GPC5: variants seen among roughly 807,000 people sequenced by gnomAD.
GPC5 encodes the protein glypican-5.
Under a neutral mutation model 53.9 loss-of-function variants are expected in GPC5, and 47 were observed. The ratio of observed to expected loss-of-function variants is 0.87; its 90% CI spans 0.69 to 1.11. GPC5 has a LOEUF of 1.11. GPC5 is among the 50% of genes most tolerant of loss of function. The probability of loss-of-function intolerance (pLI) is 0.00; values close to 1 mark genes in which losing one functional copy is unlikely to be tolerated. For synonymous variants in GPC5, 286 were observed against 263.3 expected (o/e 1.09, Z -0.84); for missense variants, 748 against 713.1 (o/e 1.05, Z -0.56).
chr13:92,672,418 C>T (rs963724171), intron 7 of GPC5, among the ~76,000 whole-genome samples: 5 of 152,068 alleles, frequency 3.3e-5, no homozygotes, highest in African/African-American at 1.2e-4. Context: ...AAAAGGAATG[C>T]TTATACACTG....
intron 7 of GPC5, among the ~76,000 whole-genome samples, chr13:92,537,687 C>T (rs1594286412): frequency 6.6e-6 from 1 of 152,070 alleles, no homozygotes; most frequent in East Asian, 1.9e-4. Flanking sequence ...ATGTCAAAAT[C>T]CTGCCAGCCT....
At chr13:92,384,399 T>A (rs2043775353) in intron 7 of GPC5, among the ~76,000 whole-genome samples, 2 of 152,158 alleles carry the variant, frequency 1.3e-5, no homozygotes, top group Non-Finnish European at 2.9e-5. Context: ...CCTGCTATGT[T>A]GGACAAAAAT....
At chr13:92,666,704 C>T (rs186685042) in intron 7 of GPC5, among the ~76,000 whole-genome samples, 63 of 152,290 alleles carry the variant, frequency 4.1e-4, no homozygotes, top group African/African-American at 1.5e-3. Flanking sequence ...CATTAGTGCT[C>T]AGCATTTATA....
chr13:91,497,690 G>A (rs541792802), intron 2 of GPC5, among the ~76,000 whole-genome samples: 3 of 152,312 alleles, frequency 2.0e-5, no homozygotes, highest in African/African-American at 7.2e-5. Context: ...GCCCTCTAAG[G>A]AAGGCAGGGC....
intron 1 of GPC5, among the ~76,000 whole-genome samples, chr13:91,432,158 C>G (rs1879499215): frequency 6.6e-6 from 1 of 150,896 alleles, no homozygotes; most frequent in African/African-American, 2.5e-5. Flanking sequence ...TTTCTCATCC[C>G]TCATGTAGCT....
intron 5 of GPC5, among the ~76,000 whole-genome samples, chr13:91,903,504 T>C (rs1238435845): frequency 6.6e-6 from 1 of 152,158 alleles, no homozygotes; most frequent in Non-Finnish European, 1.5e-5. Flanking sequence ...CTCCACATCT[T>C]TGCCAACACT....
intron 7 of GPC5, among the ~76,000 whole-genome samples, chr13:92,764,423 A>C (rs931776124): frequency 3.9e-5 from 6 of 152,360 alleles, no homozygotes; most frequent in African/African-American, 1.4e-4. Flanking sequence ...ACATAGCGTC[A>C]GTTCCCTCTT....
At chr13:92,367,321 A>G (rs904373499) in intron 7 of GPC5, among the ~76,000 whole-genome samples, 19 of 152,210 alleles carry the variant, frequency 1.2e-4, no homozygotes, top group African/African-American at 4.6e-4. Flanking sequence ...TTTAATTTTA[A>G]TAAGCATGAT....
chr13:91,891,226 C>G (rs2039382452), intron 5 of GPC5, among the ~76,000 whole-genome samples: 1 of 152,042 alleles, frequency 6.6e-6, no homozygotes, highest in Non-Finnish European at 1.5e-5. Flanking sequence ...ACAACTTTTT[C>G]TGTCTACATT....
intron 6 of GPC5, among the ~76,000 whole-genome samples, chr13:91,969,192 C>T (rs577949525): frequency 6.6e-6 from 1 of 152,238 alleles, no homozygotes; most frequent in Non-Finnish European, 1.5e-5. Context: ...TGGTTTTGAA[C>T]TCCTGACCTC....
chr13:92,538,559 C>A (rs1482851232), intron 7 of GPC5, among the ~76,000 whole-genome samples: 15 of 147,992 alleles, frequency 1.0e-4, no homozygotes, highest in Non-Finnish European at 3.0e-5. Context: ...GTTTGCTACA[C>A]CCATCAACCC....
chr13:91,645,815 G>A (rs899109758), intron 2 of GPC5, among the ~76,000 whole-genome samples: 2 of 152,128 alleles, frequency 1.3e-5, no homozygotes, highest in Non-Finnish European at 2.9e-5. Context: ...AGACTTCTGG[G>A]TCAGAGACTC....
chr13:92,145,887 G>A (rs553279060), intron 7 of GPC5, among the ~76,000 whole-genome samples: 1 of 152,206 alleles, frequency 6.6e-6, no homozygotes, highest in South Asian at 2.1e-4. Context: ...ATGCCTTTTG[G>A]TGGGAGAAGA....
chr13:91,969,435 G>T (rs959370253), intron 6 of GPC5, among the ~76,000 whole-genome samples: 3 of 151,972 alleles, frequency 2.0e-5, no homozygotes, highest in African/African-American at 7.3e-5. Context: ...AAAATCATAG[G>T]TAGGAAAACT....
At chr13:91,524,640 C>G (rs891259719) in intron 2 of GPC5, among the ~76,000 whole-genome samples, 1 of 152,008 alleles carries the variant, frequency 6.6e-6, no homozygotes, top group Non-Finnish European at 1.5e-5. Flanking sequence ...TGGGCCAGAC[C>G]AGAAATTAGT....
At chr13:92,506,081 T>C (rs1346078000) in intron 7 of GPC5, among the ~76,000 whole-genome samples, 1 of 152,136 alleles carries the variant, frequency 6.6e-6, no homozygotes, top group East Asian at 1.9e-4. Flanking sequence ...TTCATAGAAC[T>C]GTATGCCACA....
At chr13:92,145,365 TATATA>T (rs1236321289) in intron 7 of GPC5, among the ~76,000 whole-genome samples, 1 of 152,102 alleles carries the variant, frequency 6.6e-6, no homozygotes, top group East Asian at 1.9e-4. Flanking sequence ...ATTACATCAT[TATATA>T]AGAAAGTTTT....
chr13:91,534,758 C>A (rs1886507204), intron 2 of GPC5, among the ~76,000 whole-genome samples: 1 of 152,006 alleles, frequency 6.6e-6, no homozygotes, highest in Admixed American at 6.6e-5. Flanking sequence ...TCCTCAATTT[C>A]TCTGAAATCC....
At chr13:92,857,110 G>A (rs188431439) in intron 7 of GPC5, among the ~76,000 whole-genome samples, 5 of 151,934 alleles carry the variant, frequency 3.3e-5, no homozygotes, top group South Asian at 2.1e-4. Flanking sequence ...GCATGGTACC[G>A]GTACAAAAAC....
Sources: allele counts gnomAD v4.1 joint callset (sites outside exome capture counted in the v4.1 genomes callset), GRCh38; gene constraint gnomAD v4.1.1; transcripts MANE v1.5; gene names NCBI Gene and HGNC (gene_info 2026-07-23, HGNC 2026-07-21).